Variants in LPP observed in about 807,000 individuals in gnomAD.
The protein encoded by LPP is lipoma-preferred partner.
LPP carries 38 observed loss-of-function variants against 60.4 expected under a neutral mutation model. The ratio of observed to expected loss-of-function variants is 0.63; its 90% confidence interval spans 0.49 to 0.83. The LOEUF (loss-of-function observed/expected upper bound fraction) is 0.83, where lower values mean the gene tolerates loss of function less well. Ranked by LOEUF, LPP falls within the 40% of genes least tolerant of loss-of-function variation. LPP has a pLI of 0.00. For synonymous variants in LPP, 328 were observed against 290.8 expected, an observed-to-expected ratio of 1.13 and a Z score of -1.30; for missense variants, 902 against 783.6, an observed-to-expected ratio of 1.15 and a Z score of -1.80.
At chr3:188,800,392 T>C (rs760897425) in intron 9 of LPP, among the ~76,000 whole-genome samples, 38 of 151,762 alleles carry the variant, frequency 2.5e-4, no homozygotes, top group African/African-American at 3.9e-4. Context: ...ACTACAGGTG[T>C]CTGCCACCAC....
intron 4 of LPP, among the ~76,000 whole-genome samples, chr3:188,450,132 G>A (rs904839413): frequency 1.1e-4 from 17 of 152,144 alleles, no homozygotes; most frequent in African/African-American, 1.4e-4. Context: ...CATAGATAAC[G>A]TGTAAATATT....
chr3:188,271,741 C>T (rs879089873), intron 2 of LPP, among the ~76,000 whole-genome samples: 1 of 152,108 alleles, frequency 6.6e-6, no homozygotes, highest in Non-Finnish European at 1.5e-5. Context: ...GTCCTCTTCC[C>T]TTTCTCTTCT....
chr3:188,296,340 A>T lies in LPP; in HGVS notation c.-66-45323A>T, dbSNP rs116395317. Among the ~76,000 whole-genome samples, 365 of 152,292 alleles carry T rather than the reference A, an allele frequency of 2.4e-3. 1 individual carries two copies. The highest frequency in any genetic ancestry group is 8.3e-3 in the African/African-American group (344 of 41,554). On this transcript the variant is annotated intron_variant, in intron 2 of 11. Transcript: ENST00000617246. The stretch of plus-strand genomic sequence containing the variant: ...AAGTGAGGATTCGGGGGATGGAGGA[A>T]TCCCAGAGGTTGGCCCCGTCTGAGA...
chr3:188,242,144 T>A (rs1429379741), intron 2 of LPP, among the ~76,000 whole-genome samples: 2 of 152,172 alleles, frequency 1.3e-5, no homozygotes, highest in Admixed American at 6.5e-5. Context: ...ACTAAATCCT[T>A]AAATATATGG....
intron 2 of LPP, among the ~76,000 whole-genome samples, chr3:188,278,866 T>TC (rs1740947890): frequency 6.6e-6 from 1 of 152,132 alleles, no homozygotes; most frequent in Admixed American, 6.5e-5. Flanking sequence ...AGCATCACGC[T>TC]CTCCAGGGAA....
At chr3:188,870,755 G>C (rs535172203) in intron 10 of LPP, among the ~76,000 whole-genome samples, 12 of 152,270 alleles carry the variant, frequency 7.9e-5, no homozygotes, top group African/African-American at 2.9e-4. Flanking sequence ...AATTGCTATC[G>C]GAGGAACACT....
Position 188,259,451 on chromosome 3 carries a change from T to G in LPP, c.-67+33924T>G, listed in dbSNP as rs1280508134. Among the ~76,000 whole-genome samples the G allele has an allele frequency of 1.7e-4, 26 of 152,234 alleles. 1 individual carries two copies. Among genetic ancestry groups the G allele is most frequent in the Admixed American group, 1.7e-3 (26 of 15,288 alleles). On this transcript the variant is annotated intron_variant, in intron 2 of 11. Transcript: ENST00000617246. ...TGAGACATTAACTCTGTCCTGAAGCTGTTTGTCCTTCCAGCAGCTAGAAAT... is the reference window on the plus strand; with the variant it reads ...TGAGACATTAACTCTGTCCTGAAGCGGTTTGTCCTTCCAGCAGCTAGAAAT...
At chr3:188,828,983 C>T (rs898489736) in intron 9 of LPP, among the ~76,000 whole-genome samples, 1 of 152,026 alleles carries the variant, frequency 6.6e-6, no homozygotes, top group Non-Finnish European at 1.5e-5. Flanking sequence ...ATAGTTTTGT[C>T]GGTATTTCTT....
At chr3:188,831,866 C>A (rs907217683) in intron 9 of LPP, among the ~76,000 whole-genome samples, 1 of 152,152 alleles carries the variant, frequency 6.6e-6, no homozygotes, top group Non-Finnish European at 1.5e-5. Flanking sequence ...TCTGAGTATG[C>A]TATACCACCT....
chr3:188,371,865 CCAGG>C (rs1773361361), intron 3 of LPP, among the ~76,000 whole-genome samples: 2 of 150,906 alleles, frequency 1.3e-5, no homozygotes, highest in African/African-American at 4.9e-5. Context: ...GCCATGTTGG[CCAGG>C]CTGGTCTTGA....
chr3:188,177,685 T>C (rs1396165694), intron 1 of LPP, among the ~76,000 whole-genome samples: 3 of 152,156 alleles, frequency 2.0e-5, no homozygotes, highest in African/African-American at 4.8e-5. Flanking sequence ...ATGTTACCTA[T>C]TCTGACTGGA....
At chr3:188,179,271 G>A (rs13096615) in intron 1 of LPP, 251,854 of 457,830 alleles carry the variant, frequency 0.55, 72,688 homozygotes, top group East Asian at 0.87. Flanking sequence ...CCCTGTCTTC[G>A]CAGCGGAGCT....
intron 1 of LPP, among the ~76,000 whole-genome samples, chr3:188,186,608 A>G (rs971050211): frequency 2.0e-5 from 3 of 151,370 alleles, no homozygotes; most frequent in Admixed American, 6.6e-5. Flanking sequence ...TTTTTAATTT[A>G]AAAGGTGCTA....
intron 7 of LPP, among the ~76,000 whole-genome samples, chr3:188,613,745 A>G (rs1327876964): frequency 6.6e-6 from 1 of 152,036 alleles, no homozygotes; most frequent in East Asian, 1.9e-4. Context: ...AGTTTGGGGC[A>G]TATTTTATGG....
chr3:188,172,461 C>A (rs1399417132), intron 1 of LPP, among the ~76,000 whole-genome samples: 2 of 152,094 alleles, frequency 1.3e-5, no homozygotes, highest in East Asian at 3.8e-4. Flanking sequence ...GTGATAAGTG[C>A]CCATTAAATA....
At chr3:188,590,457 C>T (rs951242901) in intron 6 of LPP, among the ~76,000 whole-genome samples, 1 of 151,962 alleles carries the variant, frequency 6.6e-6, no homozygotes, top group Non-Finnish European at 1.5e-5. Context: ...GTTTGTAATC[C>T]CAGGTACTCA....
At chr3:188,745,931 A>G (rs574477827) in intron 8 of LPP, among the ~76,000 whole-genome samples, 42 of 152,296 alleles carry the variant, frequency 2.8e-4, no homozygotes, top group Non-Finnish European at 4.1e-4. Context: ...TTACACAGCT[A>G]TACATGGTAG....
chr3:188,689,476 AGAG>A (rs1213040855), intron 7 of LPP, among the ~76,000 whole-genome samples: 1 of 152,230 alleles, frequency 6.6e-6, no homozygotes, highest in African/African-American at 2.4e-5. Context: ...ACAGTGGCTT[AGAG>A]GAGGTGTTAA....
chr3:188,412,659 TAACTTC>T (rs1785182905), intron 4 of LPP, among the ~76,000 whole-genome samples: 1 of 152,178 alleles, frequency 6.6e-6, no homozygotes, highest in African/African-American at 2.4e-5. Flanking sequence ...ATGTCTCCTT[TAACTTC>T]ATTATTTTAT....
Sources: gnomAD v4.1 joint callset for allele counts (sites outside exome capture counted in the v4.1 genomes callset) on GRCh38, gnomAD v4.1.1 for gene constraint, MANE v1.5 for transcripts, NCBI Gene and HGNC (gene_info 2026-07-23, HGNC 2026-07-21) for gene names.